EXOC5: variants seen among roughly 807,000 people sequenced by gnomAD.
EXOC5 encodes exocyst complex component 5.
EXOC5 carries 17 observed loss-of-function variants against 90.8 expected under a neutral mutation model. That is an observed-to-expected ratio of 0.19 (90% CI 0.13 to 0.28). The LOEUF (loss-of-function observed/expected upper bound fraction) is 0.28. Ranked by LOEUF, EXOC5 falls within the 10% of genes least tolerant of loss-of-function variation. The pLI is 1.00. For synonymous variants in EXOC5, 260 were observed against 270.0 expected, an observed-to-expected ratio of 0.96 and a Z score of 0.36; for missense variants, 569 against 830.6, an observed-to-expected ratio of 0.69 and a Z score of 3.87.
intron 4 of EXOC5, among the ~76,000 whole-genome samples, chr14:57,243,033 G>A (rs925102564): frequency 2.0e-5 from 3 of 152,166 alleles, no homozygotes; most frequent in Admixed American, 6.5e-5. Flanking sequence ...ATTTATAAGC[G>A]GGAGCTAAGC....
At chr14:57,214,947 C>A (rs934299883) in intron 15 of EXOC5, among the ~76,000 whole-genome samples, 1 of 151,986 alleles carries the variant, frequency 6.6e-6, no homozygotes, top group South Asian at 2.1e-4. Flanking sequence ...AGAGAAGAAT[C>A]GGCTGGGCGC....
chr14:57,220,705 T>G (rs1594652904), intron 13 of EXOC5, among the ~76,000 whole-genome samples: 2 of 151,900 alleles, frequency 1.3e-5, no homozygotes, highest in Non-Finnish European at 2.9e-5. Flanking sequence ...GAGGCTGAGG[T>G]AGGAGTATTG....
intron 15 of EXOC5, among the ~76,000 whole-genome samples, chr14:57,214,521 A>T (rs1473236240): frequency 2.0e-5 from 3 of 152,170 alleles, no homozygotes; most frequent in Non-Finnish European, 4.4e-5. Flanking sequence ...TGGGAAAAAC[A>T]GGTAGGAGCA....
chr14:57,238,375 T>TACATAC (rs1555328841), intron 5 of EXOC5, among the ~76,000 whole-genome samples: 19 of 74,860 alleles, frequency 2.5e-4, no homozygotes, highest in Non-Finnish European at 5.1e-4. Flanking sequence ...TATATATATA[T>TACATAC]ACACACACAC....
rs911684802 is a variant in EXOC5, at chr14:57,206,474, T to C, written c.*2135A>G. 2.0e-5 allele frequency: 3 copies of C among 151,656 alleles called. No individual in the cohort carries two copies. The highest frequency in any genetic ancestry group is 2.9e-5 in the Non-Finnish European group (2 of 67,876). The allele number at this position is 151,656 out of a possible 1,614,324, so 9.4% of individuals were successfully genotyped here. A position where few individuals can be genotyped will look rare whatever the true frequency, so the allele number is the denominator to read the frequency against. ...AAGTATTTTTTGCTAAAAAAGAAAATGAGAAGACCTGTGCTGTGAAAAATT... is the reference window on the plus strand; with the variant it reads ...AAGTATTTTTTGCTAAAAAAGAAAACGAGAAGACCTGTGCTGTGAAAAATT... On this transcript the variant is annotated 3_prime_UTR_variant, in exon 18 of 18. Transcript: ENST00000621441.
chr14:57,226,690 T>C (rs989358982), intron 12 of EXOC5, among the ~76,000 whole-genome samples: 3 of 152,176 alleles, frequency 2.0e-5, no homozygotes, highest in African/African-American at 7.2e-5. Flanking sequence ...CACATATAAA[T>C]GGTCCATTGA....
At chr14:57,265,028 G>C (rs927691807) in intron 1 of EXOC5, among the ~76,000 whole-genome samples, 20 of 151,920 alleles carry the variant, frequency 1.3e-4, no homozygotes, top group Middle Eastern at 3.2e-3. Flanking sequence ...GGTGAAAAAA[G>C]TTGGGGAAAT....
At position 57,231,640 on chromosome 14, in the gene EXOC5, G is replaced by T. The variant is rs1487489823; in HGVS notation, c.1014C>A (p.Ile338=). The change falls in exon 11 of 18, where the codon ATC becomes ATA. Residue 338 remains isoleucine, a synonymous_variant. Coordinates refer to ENST00000621441, the MANE Select transcript of EXOC5 (RefSeq NM_006544.4). The part of the protein sequence containing the change: ...TDKQTFLSKL[I]KSIFISYLEN... ...CCAAATAGGAAATGAAAATGGATTT[G>T]ATAAGCTTAGACAAGAAAGTCTGTT... 5 of 1,613,148 alleles carry T rather than the reference G, an allele frequency of 3.1e-6. No homozygotes were observed. Among genetic ancestry groups the T allele is most frequent in the Admixed American group, 1.7e-5 (1 of 59,996 alleles).
chr14:57,264,784 G>T (rs1486860555), intron 1 of EXOC5, among the ~76,000 whole-genome samples: 1 of 152,040 alleles, frequency 6.6e-6, no homozygotes, highest in East Asian at 1.9e-4. Flanking sequence ...TCTTCTAGAG[G>T]CAATCTTCCC....
intron 1 of EXOC5, among the ~76,000 whole-genome samples, chr14:57,252,564 T>C (rs1884226151): frequency 6.6e-6 from 1 of 151,976 alleles, no homozygotes; most frequent in Non-Finnish European, 1.5e-5. Context: ...ATCAAGGAAA[T>C]GCAAATTAAA....
chr14:57,268,886 C>G lies in EXOC5; in HGVS notation c.-238G>C, dbSNP rs911024082. 6 of 1,106,544 alleles carry G rather than the reference C, an allele frequency of 5.4e-6. No individual in the cohort carries two copies. In the African/African-American group the frequency reaches 9.9e-5, roughly 18 times the overall value. 68.5% of individuals were successfully genotyped at this position (1,106,544 alleles called of 1,614,324 possible). ...CGCGCTGCTCCCATTGTCACCGCCT[C>G]ATACGCCGGAAGTGGAACTGCGCGC... is the stretch of plus-strand genomic sequence containing the variant. On this transcript the variant is annotated 5_prime_UTR_variant, in exon 1 of 18. An upstream start codon of the reference 5' UTR is lost. Coordinates refer to ENST00000621441, the MANE Select transcript of EXOC5 (RefSeq NM_006544.4).
chr14:57,225,771 G>C (rs374974180), intron 12 of EXOC5, among the ~76,000 whole-genome samples: 1 of 152,146 alleles, frequency 6.6e-6, no homozygotes, highest in Non-Finnish European at 1.5e-5. Context: ...AGTTGGTAGG[G>C]GCACAGCTTG....
chr14:57,252,835 C>T (rs542866419), intron 1 of EXOC5, among the ~76,000 whole-genome samples: 8 of 152,216 alleles, frequency 5.3e-5, no homozygotes, highest in African/African-American at 1.9e-4. Flanking sequence ...TCTGCACCAC[C>T]ATGTTTACTG....
At position 57,206,501 on chromosome 14, in the gene EXOC5, T is replaced by A. The variant is rs562277388; in HGVS notation, c.*2108A>T. 1 of 151,802 alleles carries A rather than the reference T, an allele frequency of 6.6e-6. No individual in the cohort carries two copies. The highest frequency in any genetic ancestry group is 1.9e-4 in the East Asian group (1 of 5,130). The allele number at this position is 151,802 out of a possible 1,614,324, so 9.4% of individuals were successfully genotyped here. A position where few individuals can be genotyped will look rare whatever the true frequency, so the allele number is the denominator to read the frequency against. ...AGAAGACCTGTGCTGTGAAAAATTTTAAAAATCTCAAATTTTTAAATAAAA... is the reference window on the plus strand; with the variant it reads ...AGAAGACCTGTGCTGTGAAAAATTTAAAAAATCTCAAATTTTTAAATAAAA... On this transcript the variant is annotated 3_prime_UTR_variant, in exon 18 of 18. Transcript: ENST00000621441.
intron 12 of EXOC5, among the ~76,000 whole-genome samples, chr14:57,222,762 C>CATAT (rs149486431): frequency 2.2e-4 from 30 of 135,238 alleles, no homozygotes; most frequent in South Asian, 1.1e-3. Flanking sequence ...CACACACACA[C>CATAT]ATATATATAT....
intron 11 of EXOC5, 118 bp from the exon 12 acceptor site, chr14:57,229,999 A>T (rs1039838881): frequency 1.9e-5 from 9 of 475,030 alleles, no homozygotes; most frequent in African/African-American, 1.4e-4. Context: ...CAAGAGACCT[A>T]ATTTCTAATT....
At position 57,210,630 on chromosome 14, in the gene EXOC5, A is replaced by C. The variant is rs147850444; in HGVS notation, c.1614-569T>G. ...TGAGCCATCAGAAAGCAAAGATGTC[A>C]CTATCTCAGACACCCATGTGGACAA... On this transcript the variant is annotated intron_variant, in intron 15 of 17. Coordinates refer to ENST00000621441, the MANE Select transcript of EXOC5 (RefSeq NM_006544.4). Among the ~76,000 whole-genome samples, 15 of 152,324 alleles carry C rather than the reference A, an allele frequency of 9.8e-5. No individual in the cohort carries two copies. In the East Asian group the frequency reaches 2.7e-3, roughly 27 times the overall value.
intron 4 of EXOC5, among the ~76,000 whole-genome samples, chr14:57,239,932 A>C (rs1171445008): frequency 6.6e-6 from 1 of 152,136 alleles, no homozygotes; most frequent in Non-Finnish European, 1.5e-5. Flanking sequence ...TTCCCAATGA[A>C]ACCTGTAGTT....
chr14:57,252,347 A>G (rs1473800463), intron 1 of EXOC5, among the ~76,000 whole-genome samples: 1 of 152,174 alleles, frequency 6.6e-6, no homozygotes, highest in African/African-American at 2.4e-5. Flanking sequence ...TATTAACATG[A>G]TTACATACAA....
Sources: gnomAD v4.1 joint callset for allele counts (sites outside exome capture counted in the v4.1 genomes callset) on GRCh38, gnomAD v4.1.1 for gene constraint, MANE v1.5 for transcripts, NCBI Gene and HGNC (gene_info 2026-07-23, HGNC 2026-07-21) for gene names.